DENND1B: variants seen among roughly 807,000 people sequenced by gnomAD.
DENND1B encodes the protein DENN domain containing 1B, also known as DENN domain-containing protein 1B.
DENND1B carries 59 observed loss-of-function variants against 90.1 expected under a neutral mutation model. The ratio of observed to expected loss-of-function variants is 0.65; its 90% confidence interval spans 0.53 to 0.81. The LOEUF (loss-of-function observed/expected upper bound fraction) is 0.81. DENND1B is among the 40% of genes least tolerant of loss of function. DENND1B has a pLI of 0.00. For synonymous variants in DENND1B, 337 were observed against 324.6 expected (o/e 1.04, Z -0.41); for missense variants, 862 against 912.6 (o/e 0.94, Z 0.71).
chr1:197,757,409 G>T (rs936623500), intron 2 of DENND1B: 1 of 152,150 alleles, frequency 6.6e-6, no homozygotes, highest in Non-Finnish European at 1.5e-5. Context: ...TGGGTAAGAA[G>T]AAATAAGAAC....
In DENND1B at chr1:197,652,082, A is replaced by G. The variant is rs1024961478; in HGVS notation, c.447+153T>C. On this transcript the variant is annotated intron_variant, in intron 7 of 22. Coordinates refer to ENST00000620048, the MANE Select transcript of DENND1B (RefSeq NM_001195215.2). ...GATAGTTACAGCATGTTAAAAAGAC[A>G]CAATATTATCACCTTGTTATGTTAG... is the stretch of plus-strand genomic sequence containing the variant. Among the ~76,000 whole-genome samples the G allele has an allele frequency of 1.9e-4, 29 of 152,326 alleles. No individual in the cohort carries two copies. The East Asian group carries it at 1.9e-3, about 10-fold the overall frequency.
intron 15 of DENND1B, among the ~76,000 whole-genome samples, chr1:197,559,369 A>C (rs1054539776): frequency 8.5e-5 from 13 of 152,064 alleles, no homozygotes; most frequent in Admixed American, 3.3e-4. Context: ...CTGAGGAAGT[A>C]GCAAGATTCA....
chr1:197,652,565 AACTT>A (rs1178982757), intron 6 of DENND1B, among the ~76,000 whole-genome samples: 2 of 152,108 alleles, frequency 1.3e-5, no homozygotes, highest in African/African-American at 4.8e-5. Flanking sequence ...GTATTTGAAA[AACTT>A]AATTATTATA....
At chr1:197,537,422 A>G (rs926632724) in intron 20 of DENND1B, among the ~76,000 whole-genome samples, 1 of 152,156 alleles carries the variant, frequency 6.6e-6, no homozygotes, top group Admixed American at 6.5e-5. Context: ...GTAAGTATAC[A>G]CTGAATGGAA....
At position 197,540,961 on chromosome 1, in the gene DENND1B, T is replaced by C; in HGVS notation, c.1405A>G (p.Lys469Glu). The C allele has an allele frequency of 6.2e-7, 1 of 1,611,836 alleles. No homozygotes were observed. Among genetic ancestry groups the C allele is most frequent in the Non-Finnish European group, 8.5e-7 (1 of 1,178,804 alleles). ...GGAAAAAAATGAATATGACATACCT[T>C]GTGTTTTAGTTTACTCTTCACTTCC... ...LKEVKSKLKH[K>E]ENEEDYGTCS... The change falls in exon 19 of 23, where the codon AAG becomes GAG. Residue 469 changes from lysine (K) to glutamate (E), a missense_variant and splice_region_variant. Coordinates refer to ENST00000620048, the MANE Select transcript of DENND1B (RefSeq NM_001195215.2).
chr1:197,618,009 T>G (rs893147935), intron 10 of DENND1B, among the ~76,000 whole-genome samples: 12 of 151,108 alleles, frequency 7.9e-5, no homozygotes, highest in African/African-American at 2.4e-4. Flanking sequence ...ATACCGAGTT[T>G]GGGATTGAAA....
At chr1:197,705,982 A>C (rs1659493962) in intron 3 of DENND1B, among the ~76,000 whole-genome samples, 1 of 128,438 alleles carries the variant, frequency 7.8e-6, no homozygotes, top group African/African-American at 3.0e-5. Flanking sequence ...CCCATTTATC[A>C]GACTTTTTGA....
intron 12 of DENND1B, among the ~76,000 whole-genome samples, chr1:197,611,563 G>C (rs1677184010): frequency 6.6e-6 from 1 of 150,584 alleles, no homozygotes; most frequent in Admixed American, 6.6e-5. Flanking sequence ...TTTACTTCAT[G>C]ACTCATAAGT....
At chr1:197,735,907 T>TAATA (rs1662630534) in intron 2 of DENND1B, 3 of 1,527,702 alleles carry the variant, frequency 2.0e-6, no homozygotes, top group Admixed American at 1.7e-5. Context: ...GCTGATATAA[T>TAATA]GGCCAAGAGG....
At chr1:197,630,258 T>C (rs28485341) in intron 10 of DENND1B, among the ~76,000 whole-genome samples, 3,684 of 152,140 alleles carry the variant, frequency 0.024, 152 homozygotes, top group African/African-American at 0.084. Context: ...TAATTAATAA[T>C]AGGAGTTTAT....
At chr1:197,616,729 A>G (rs2125860498) in intron 11 of DENND1B, among the ~76,000 whole-genome samples, 1 of 151,278 alleles carries the variant, frequency 6.6e-6, no homozygotes, top group Non-Finnish European at 1.5e-5. Flanking sequence ...AGAAAGTTAA[A>G]TGAGTGCATT....
rs193222789 is a variant in DENND1B, at chr1:197,668,136, A to G, written c.296+3901T>C. On this transcript the variant is annotated intron_variant, in intron 5 of 22. Transcript: ENST00000620048. ...CTACAAATATAACAACATACTATAA[A>G]TATTATTTTGAAATTTTTCATCATG... is the stretch of plus-strand genomic sequence containing the variant. Among the ~76,000 whole-genome samples, 224 of 152,268 alleles carry G rather than the reference A, an allele frequency of 1.5e-3. 1 individual carries two copies. Among genetic ancestry groups the G allele is most frequent in the African/African-American group, 5.1e-3 (212 of 41,566 alleles).
intron 20 of DENND1B, among the ~76,000 whole-genome samples, chr1:197,535,700 C>T (rs946142653): frequency 4.6e-5 from 7 of 152,200 alleles, no homozygotes; most frequent in African/African-American, 1.7e-4. Context: ...AGAACTGCTT[C>T]CCCTGTTCAC....
At chr1:197,659,248 CAT>C (rs1654161561) in intron 5 of DENND1B, among the ~76,000 whole-genome samples, 1 of 151,442 alleles carries the variant, frequency 6.6e-6, no homozygotes, top group East Asian at 1.9e-4. Context: ...ATACACATAA[CAT>C]GTAAAATTTA....
intron 20 of DENND1B, among the ~76,000 whole-genome samples, chr1:197,517,818 C>T (rs568568810): frequency 7.9e-5 from 12 of 151,980 alleles, no homozygotes; most frequent in South Asian, 2.1e-4. Flanking sequence ...TAAACCGTCT[C>T]CTTCTCTTGT....
chr1:197,744,193 T>C (rs896923041), intron 2 of DENND1B, among the ~76,000 whole-genome samples: 1 of 152,196 alleles, frequency 6.6e-6, no homozygotes, highest in Non-Finnish European at 1.5e-5. Context: ...CTCCCATGAA[T>C]CATGAAATAT....
At chr1:197,717,975 T>C (rs923295560) in intron 2 of DENND1B, among the ~76,000 whole-genome samples, 4 of 152,044 alleles carry the variant, frequency 2.6e-5, no homozygotes, top group Non-Finnish European at 5.9e-5. Context: ...AAAAGTATAA[T>C]ATACAATATT....
upstream of DENND1B, among the ~76,000 whole-genome samples, chr1:197,778,877 T>G (rs1657361354): frequency 6.6e-6 from 1 of 152,184 alleles, no homozygotes; most frequent in Admixed American, 6.5e-5. Flanking sequence ...TCTATTCATT[T>G]AGGAGTTATC....
Position 197,510,649 on chromosome 1 carries a change from A to G in DENND1B, c.2139T>C (p.Asp713=), listed in dbSNP as rs1667960030. 6.2e-7 allele frequency: 1 copy of G among 1,612,738 alleles called. No homozygotes were observed. Among genetic ancestry groups the G allele is most frequent in the African/African-American group, 1.3e-5 (1 of 74,800 alleles). ...GCCGCCCAAGACCGGGTATAAGCAG[A>G]TCATCTGAAATCTGGCTTAGTGTTT... ...KRETLSQISD[D]LLIPGLGRHS... Residue 713 remains aspartate, a synonymous_variant, in exon 23 of 23, where the codon GAT becomes GAC. Coordinates refer to ENST00000620048, the MANE Select transcript of DENND1B (RefSeq NM_001195215.2).
Sources: allele counts gnomAD v4.1 joint callset (sites outside exome capture counted in the v4.1 genomes callset), GRCh38; gene constraint gnomAD v4.1.1; transcripts MANE v1.5; gene names NCBI Gene and HGNC (gene_info 2026-07-23, HGNC 2026-07-21).